Variants in RANBP2 observed in about 807,000 individuals in gnomAD.
RANBP2 encodes the protein RAN binding protein 2.
RANBP2 carries 57 observed loss-of-function variants against 303.6 expected under a neutral mutation model. That is an observed-to-expected ratio of 0.19 (90% CI 0.15 to 0.23). The LOEUF is 0.23. Among genes scored for constraint, RANBP2 ranks in the 10% least tolerant of loss-of-function variants. RANBP2 has a pLI of 1.00. For synonymous variants in RANBP2, 1,167 were observed against 1,301.5 expected, an observed-to-expected ratio of 0.90 and a Z score of 2.23; for missense variants, 3,138 against 3,780.8, an observed-to-expected ratio of 0.83 and a Z score of 4.46.
the RANBP2 span, among the ~76,000 whole-genome samples, chr2:109,765,628 A>G: frequency 3.3e-5 from 5 of 150,196 alleles, no homozygotes; most frequent in African/African-American, 9.8e-5. Context: ...TTCAGGAGGA[A>G]ATGGAAAGGA....
the RANBP2 span, among the ~76,000 whole-genome samples, chr2:109,003,417 T>C: frequency 6.9e-6 from 1 of 145,310 alleles, no homozygotes; most frequent in African/African-American, 2.5e-5. Flanking sequence ...TTTTTTCTTC[T>C]TTTTTTTTTT....
chr2:108,905,715 A>T, the RANBP2 span, among the ~76,000 whole-genome samples: 1 of 152,134 alleles, frequency 6.6e-6, no homozygotes, highest in Non-Finnish European at 1.5e-5. Flanking sequence ...GTAATTTAGA[A>T]AGTGGATTTT....
chr2:109,152,710 C>G, the RANBP2 span, among the ~76,000 whole-genome samples: 1 of 152,020 alleles, frequency 6.6e-6, no homozygotes, highest in Non-Finnish European at 1.5e-5. Context: ...ATTGGAAATT[C>G]AATTAATGGG....
the RANBP2 span, among the ~76,000 whole-genome samples, chr2:109,343,744 C>CTT: frequency 1.1e-3 from 158 of 143,784 alleles, no homozygotes; most frequent in South Asian, 4.5e-3. Flanking sequence ...CCCTGGTTTC[C>CTT]TTTTTTTTTT....
At chr2:108,983,192 C>T in the RANBP2 span, among the ~76,000 whole-genome samples, 1 of 152,134 alleles carries the variant, frequency 6.6e-6, no homozygotes, top group Admixed American at 6.5e-5. Context: ...CAAACACATC[C>T]CCAAAGTGTA....
the RANBP2 span, among the ~76,000 whole-genome samples, chr2:109,180,399 A>C: frequency 2.0e-5 from 3 of 152,188 alleles, no homozygotes; most frequent in Non-Finnish European, 4.4e-5. Context: ...CAGCAGGTAC[A>C]CAGAGGCCAT....
the RANBP2 span, among the ~76,000 whole-genome samples, chr2:109,577,408 A>G: frequency 1.3e-5 from 2 of 152,004 alleles, no homozygotes; most frequent in Non-Finnish European, 2.9e-5. Context: ...AGCCTGGCCA[A>G]CATGGTGAAA....
the RANBP2 span, among the ~76,000 whole-genome samples, chr2:109,266,782 C>G: frequency 4.6e-5 from 7 of 152,066 alleles, no homozygotes; most frequent in African/African-American, 7.2e-5. Context: ...GAGCGTGTGC[C>G]CACTCGCACA....
chr2:109,304,380 G>A, the RANBP2 span, among the ~76,000 whole-genome samples: 1 of 152,102 alleles, frequency 6.6e-6, no homozygotes, highest in Non-Finnish European at 1.5e-5. Context: ...TTAACATAAT[G>A]TCCTCCAAGT....
chr2:109,347,992 T>A, the RANBP2 span: 2 of 1,556,764 alleles, frequency 1.3e-6, no homozygotes, highest in Non-Finnish European at 1.7e-6. Context: ...CCATGCAGCC[T>A]CTGTGCCACC....
At chr2:109,708,116 C>T in the RANBP2 span, among the ~76,000 whole-genome samples, 37 of 152,294 alleles carry the variant, frequency 2.4e-4, no homozygotes, top group Non-Finnish European at 4.4e-4. Flanking sequence ...CAAAAACAGT[C>T]GGAGGCTGAG....
chr2:108,791,463 A>G, the RANBP2 span: 2 of 556,854 alleles, frequency 3.6e-6, no homozygotes, highest in Admixed American at 5.4e-5. Context: ...AAGTCTATTT[A>G]ATGTGTAGAA....
chr2:109,742,483 T>C, the RANBP2 span, among the ~76,000 whole-genome samples: 1 of 148,210 alleles, frequency 6.7e-6, no homozygotes, highest in Admixed American at 6.8e-5. Flanking sequence ...GTATGAATGA[T>C]ATATATGGGG....
chr2:108,766,006 C>G lies in RANBP2; in HGVS notation c.5467C>G (p.Leu1823Val). Reference protein sequence around the residue: ...PIAEAPSAFTLGSEMKLHDSS... With the variant: ...PIAEAPSAFTVGSEMKLHDSS... The stretch of plus-strand genomic sequence containing the variant: ...TGCAGAAGCTCCTTCAGCTTTCACA[C>G]TGGGCTCAGAAATGAAGTTGCATGA... The change falls in exon 20 of 29, where the codon CTG becomes GTG. Residue 1823 changes from leucine (L) to valine (V), a missense_variant. Leu to Val is a conservative substitution (Grantham distance 32). Coordinates refer to ENST00000283195, the MANE Select transcript of RANBP2 (RefSeq NM_006267.5). 1 of 1,614,134 alleles carries G rather than the reference C, an allele frequency of 6.2e-7. No individual in the cohort carries two copies. Among genetic ancestry groups the G allele is most frequent in the Admixed American group, 1.7e-5 (1 of 60,004 alleles).
the RANBP2 span, among the ~76,000 whole-genome samples, chr2:109,334,932 A>G: frequency 6.6e-6 from 1 of 152,276 alleles, no homozygotes; most frequent in African/African-American, 2.4e-5. Flanking sequence ...CTTCCTGGAA[A>G]GGTTCTGCTT....
chr2:109,541,829 C>T, the RANBP2 span, among the ~76,000 whole-genome samples: 1 of 152,202 alleles, frequency 6.6e-6, no homozygotes, highest in African/African-American at 2.4e-5. Context: ...TCCAAACCTA[C>T]TTGGTTGTCC....
chr2:109,368,921 CAA>C, the RANBP2 span, among the ~76,000 whole-genome samples: 4 of 149,668 alleles, frequency 2.7e-5, no homozygotes, highest in African/African-American at 9.9e-5. Flanking sequence ...TGAGCTGGGC[CAA>C]TCATGCCTTG....
chr2:108,835,567 T>G, the RANBP2 span, among the ~76,000 whole-genome samples: 5 of 152,246 alleles, frequency 3.3e-5, no homozygotes, highest in African/African-American at 1.2e-4. Flanking sequence ...AACCATAGTT[T>G]AAATACCTTA....
chr2:109,072,634 G>A, the RANBP2 span, among the ~76,000 whole-genome samples: 2 of 152,172 alleles, frequency 1.3e-5, no homozygotes, highest in African/African-American at 4.8e-5. Context: ...AGAGAGCAAA[G>A]CAAAAGTTTG....
Sources: gnomAD v4.1 joint callset for allele counts (sites outside exome capture counted in the v4.1 genomes callset) on GRCh38, gnomAD v4.1.1 for gene constraint, MANE v1.5 for transcripts, NCBI Gene and HGNC (gene_info 2026-07-23, HGNC 2026-07-21) for gene names.